BASP1: variants seen among roughly 807,000 people sequenced by gnomAD.
BASP1 encodes brain acid soluble protein 1.
BASP1 carries 1 observed loss-of-function variant against 2.2 expected under a neutral mutation model. That is an observed-to-expected ratio of 0.46 (90% CI 0.16 to 2.17). The LOEUF is 2.17. Among genes scored for constraint, BASP1 ranks in the 30% most tolerant of loss-of-function variants. The probability of loss-of-function intolerance (pLI) is 0.27; values close to 1 mark genes in which losing one functional copy is unlikely to be tolerated. For missense variants in BASP1, 352 were observed against 327.2 expected (o/e 1.08, Z -0.58); for synonymous variants, 187 against 154.2 (o/e 1.21, Z -1.58).
chr5:17,227,698 C>T (rs1033470101), intron 1 of BASP1, among the ~76,000 whole-genome samples: 1 of 152,150 alleles, frequency 6.6e-6, no homozygotes, highest in African/African-American at 2.4e-5. Flanking sequence ...GCCACCATGC[C>T]CGGCCAATAA....
intron 1 of BASP1, among the ~76,000 whole-genome samples, chr5:17,231,858 C>T (rs1038203497): frequency 2.0e-5 from 3 of 152,148 alleles, no homozygotes; most frequent in African/African-American, 7.2e-5. Flanking sequence ...ATACCAAGCA[C>T]CCCATGTCTG....
At chr5:17,255,307 T>C (rs866719884) in intron 1 of BASP1, among the ~76,000 whole-genome samples, 2 of 152,194 alleles carry the variant, frequency 1.3e-5, no homozygotes, top group South Asian at 4.1e-4. Context: ...CTCCTTCCCT[T>C]TGGTTCAATT....
At chr5:17,253,184 A>T (rs1040424571) in intron 1 of BASP1, among the ~76,000 whole-genome samples, 1 of 152,170 alleles carries the variant, frequency 6.6e-6, no homozygotes, top group Non-Finnish European at 1.5e-5. Flanking sequence ...AAAAGGACTT[A>T]TCTCTGTAAT....
chr5:17,266,089 G>T (rs1427147464), intron 1 of BASP1, among the ~76,000 whole-genome samples: 2 of 152,204 alleles, frequency 1.3e-5, no homozygotes, highest in East Asian at 3.9e-4. Flanking sequence ...ACACTAACCC[G>T]TTGGGCTTCC....
intron 1 of BASP1, among the ~76,000 whole-genome samples, chr5:17,229,659 A>G (rs1228362066): frequency 2.6e-5 from 4 of 152,190 alleles, no homozygotes; most frequent in Admixed American, 6.5e-5. Flanking sequence ...AGAGGCACCA[A>G]TGCTCTCCTC....
chr5:17,273,962 T>G (rs1187911171), intron 1 of BASP1, among the ~76,000 whole-genome samples: 1 of 152,146 alleles, frequency 6.6e-6, no homozygotes, highest in Non-Finnish European at 1.5e-5. Context: ...GACAGAAAAA[T>G]GGACTTGAAG....
intron 1 of BASP1, among the ~76,000 whole-genome samples, chr5:17,268,564 T>C (rs1740470038): frequency 6.6e-6 from 1 of 152,196 alleles, no homozygotes; most frequent in African/African-American, 2.4e-5. Flanking sequence ...GCTATTAAAA[T>C]AGCGTGTACA....
chr5:17,240,034 GC>G (rs1418521303), intron 1 of BASP1, among the ~76,000 whole-genome samples: 1 of 152,000 alleles, frequency 6.6e-6, no homozygotes, highest in Non-Finnish European at 1.5e-5. Flanking sequence ...TTAAGTAAGA[GC>G]TGGGGCCTTT....
intron 1 of BASP1, among the ~76,000 whole-genome samples, chr5:17,253,790 G>C (rs924314257): frequency 4.9e-4 from 75 of 152,266 alleles, no homozygotes; most frequent in African/African-American, 1.7e-3. Flanking sequence ...TGGAATCTGT[G>C]ATCAAGGGAG....
In BASP1 at chr5:17,275,050, T is replaced by C. The variant is rs1188204605; in HGVS notation, c.-9-158T>C. On this transcript the variant is annotated intron_variant, in intron 1 of 1. Transcript: ENST00000322611. This position sits in a 1 kb window ranked among gnomAD's most constrained non-coding sequence, Gnocchi z 5.3. ...TCTCAAAAATAAATACATGAATAAA[T>C]TGAATTTAACTGTGCCTAACTATAG... Among the ~76,000 whole-genome samples, 2 of 151,978 alleles carry C rather than the reference T, an allele frequency of 1.3e-5. No individual in the cohort carries two copies. Among genetic ancestry groups the C allele is most frequent in the Non-Finnish European group, 2.9e-5 (2 of 68,008 alleles).
In BASP1 at chr5:17,264,902, A is replaced by G. The variant is rs1012074330; in HGVS notation, c.-9-10306A>G. Among the ~76,000 whole-genome samples the G allele has an allele frequency of 1.3e-4, 20 of 152,228 alleles. 1 individual carries two copies. The highest frequency in any genetic ancestry group is 5.9e-5 in the Non-Finnish European group (4 of 68,040). On this transcript the variant is annotated intron_variant, in intron 1 of 1. Transcript: ENST00000322611. ...GCCTTTGTATGATTCAAACTGCCCT[A>G]TATAGGAAGTGCTTAGATATTATAA...
intron 1 of BASP1, among the ~76,000 whole-genome samples, chr5:17,252,252 C>T (rs1414845689): frequency 6.6e-6 from 1 of 152,088 alleles, no homozygotes; most frequent in Non-Finnish European, 1.5e-5. Flanking sequence ...ATGGAAACAT[C>T]GCAAACATGA....
intron 1 of BASP1, among the ~76,000 whole-genome samples, chr5:17,231,278 C>T (rs1270474813): frequency 6.6e-6 from 1 of 152,174 alleles, no homozygotes; most frequent in Non-Finnish European, 1.5e-5. Context: ...CTAGGCTTGT[C>T]TCCTGGAATT....
At chr5:17,262,731 A>G (rs1024795603) in intron 1 of BASP1, among the ~76,000 whole-genome samples, 1 of 151,962 alleles carries the variant, frequency 6.6e-6, no homozygotes, top group Non-Finnish European at 1.5e-5. Flanking sequence ...ACTTACTCTC[A>G]TTTATATTTT....
intron 1 of BASP1, among the ~76,000 whole-genome samples, chr5:17,218,920 G>A (rs1462117825): frequency 6.6e-6 from 1 of 152,076 alleles, no homozygotes; most frequent in Non-Finnish European, 1.5e-5. Context: ...TCGGTGGACA[G>A]CCCTTGCCCA....
rs562557361 is a variant in BASP1, at chr5:17,226,174, A to G, written c.-10+8364A>G. 5.2e-5 allele frequency among the ~76,000 whole-genome samples: 8 copies of G among 152,384 alleles called. No individual in the cohort carries two copies. The South Asian group carries it at 1.7e-3, about 32-fold the overall frequency. ...TATTTTCATAATGCTTTTAATTATT[A>G]CACTTACGTAGATTCAGAAATGGAT... On this transcript the variant is annotated intron_variant, in intron 1 of 1. Transcript: ENST00000322611.
rs573493847 is a variant in BASP1 at position 17,275,746 on chromosome 5, C to G, written c.530C>G (p.Ser177Trp). The part of the protein sequence containing the change: ...APASDSKPGS[S>W]EAAPSSKETP... ...GCTTCAGACTCAAAACCCGGCAGCT[C>G]GGAGGCTGCCCCCTCTTCCAAGGAG... Residue 177 changes from serine (S) to tryptophan (W), a missense_variant, in exon 2 of 2, where the codon TCG becomes TGG. Coordinates refer to ENST00000322611, the MANE Select transcript of BASP1 (RefSeq NM_006317.5). This position sits in a 1 kb window ranked among gnomAD's most constrained non-coding sequence, Gnocchi z 5.3. The G allele has an allele frequency of 3.7e-6, 6 of 1,612,202 alleles. No homozygotes were observed. The highest frequency in any genetic ancestry group is 3.3e-5 in the Admixed American group (2 of 59,852).
intron 1 of BASP1, among the ~76,000 whole-genome samples, chr5:17,269,204 A>C (rs1740484140): frequency 2.0e-5 from 3 of 152,192 alleles, no homozygotes; most frequent in Non-Finnish European, 4.4e-5. Flanking sequence ...CTTGTCTTTA[A>C]AAGTTTCATG....
chr5:17,253,879 A>AG (rs1740149923), intron 1 of BASP1, among the ~76,000 whole-genome samples: 1 of 151,904 alleles, frequency 6.6e-6, no homozygotes, highest in South Asian at 2.1e-4. Flanking sequence ...CACATTCAGG[A>AG]GGCTTTATGG....
Sources: gnomAD v4.1 joint callset for allele counts (sites outside exome capture counted in the v4.1 genomes callset) on GRCh38, gnomAD v4.1.1 for gene constraint, Gnocchi (gnomAD v3.1) non-coding constraint, MANE v1.5 for transcripts, NCBI Gene and HGNC (gene_info 2026-07-23, HGNC 2026-07-21) for gene names.